The following RPGRIP1 variants were observed in gnomAD, a reference collection of about 807,000 sequenced individuals.
The protein encoded by RPGRIP1 is X-linked retinitis pigmentosa GTPase regulator-interacting protein 1.
Under a neutral mutation model 157.9 loss-of-function variants are expected in RPGRIP1, and 128 were observed. That is an observed-to-expected ratio of 0.81 (90% CI 0.70 to 0.94). The LOEUF (loss-of-function observed/expected upper bound fraction) is 0.94, where lower values mean the gene tolerates loss of function less well. Among genes scored for constraint, RPGRIP1 ranks in the 40% least tolerant of loss-of-function variants. RPGRIP1 has a pLI of 0.00. For synonymous variants in RPGRIP1, 554 were observed against 571.6 expected, an observed-to-expected ratio of 0.97 and a Z score of 0.44; for missense variants, 1,486 against 1,545.8, an observed-to-expected ratio of 0.96 and a Z score of 0.65.
rs1267730246 is a variant in RPGRIP1, at chr14:21,328,364, T to G, written c.2896-60T>G. The G allele has an allele frequency of 5.6e-6, 7 of 1,256,518 alleles. No individual in the cohort carries two copies. The East Asian group carries it at 1.2e-4, about 21-fold the overall frequency. The allele number at this position is 1,256,518 out of a possible 1,614,324, so 77.8% of individuals were successfully genotyped here. On this transcript the variant is annotated intron_variant, in intron 18 of 24. Coordinates refer to ENST00000400017, the MANE Select transcript of RPGRIP1 (RefSeq NM_020366.4). ...TAACACTAGTTCCCAAATCCCTTTC[T>G]TGTGTTTCTAGGTTGTTAAACTACC...
chr14:21,343,003 C>G, intron 21 of RPGRIP1, 33 bp from the exon 22 acceptor site: 1 of 1,567,580 alleles, frequency 6.4e-7, no homozygotes, highest in Non-Finnish European at 8.8e-7. Flanking sequence ...CCTCACTAAC[C>G]TTTAGGAACT....
chr14:21,346,927 G>A (rs1885627799), intron 23 of RPGRIP1, among the ~76,000 whole-genome samples: 1 of 152,208 alleles, frequency 6.6e-6, no homozygotes, highest in Non-Finnish European at 1.5e-5. Context: ...ACTGAAAAAG[G>A]AGCCAGATGA....
chr14:21,302,528 T>C lies in RPGRIP1; in HGVS notation c.531T>C (p.Phe177=). 6.3e-7 allele frequency: 1 copy of C among 1,591,320 alleles called. No homozygotes were observed. The change falls in exon 5 of 25, where the codon TTT becomes TTC. Residue 177 remains phenylalanine (F), a synonymous_variant. Transcript: ENST00000400017. The part of the protein sequence containing the change: ...DRLSYTAPPS[F]KEHATNENRG... ...TGAGCTACACAGCCCCTCCATCGTT[T>C]AAGGAGCATGCGACAAATGAAAACA...
intron 1 of RPGRIP1, among the ~76,000 whole-genome samples, chr14:21,283,577 A>T (rs750917841): frequency 3.3e-5 from 5 of 152,072 alleles, no homozygotes; most frequent in Non-Finnish European, 7.4e-5. Flanking sequence ...CTGGGATTAC[A>T]GGCATGAGCC....
chr14:21,309,469 G>A (rs983720403), intron 7 of RPGRIP1, among the ~76,000 whole-genome samples: 5 of 152,022 alleles, frequency 3.3e-5, no homozygotes, highest in African/African-American at 4.8e-5. Context: ...GCAGTGAGCC[G>A]AGATCCCGAT....
intron 11 of RPGRIP1, among the ~76,000 whole-genome samples, chr14:21,319,386 AC>A (rs1169148162): frequency 1.3e-5 from 2 of 152,124 alleles, no homozygotes; most frequent in Non-Finnish European, 2.9e-5. Flanking sequence ...ACATGGTGAA[AC>A]CCCATCTTTA....
intron 5 of RPGRIP1, 57 bp from the exon 6 acceptor site, chr14:21,303,274 A>G (rs1417743647): frequency 1.6e-6 from 2 of 1,281,242 alleles, no homozygotes; most frequent in Non-Finnish European, 2.2e-6. Flanking sequence ...TATATGTGTA[A>G]GAACCCAATT....
chr14:21,325,046 G>A lies in RPGRIP1; in HGVS notation c.2191G>A (p.Val731Ile), dbSNP rs1246754738. The A allele has an allele frequency of 6.2e-7, 1 of 1,611,814 alleles. No homozygotes were observed. The highest frequency in any genetic ancestry group is 1.1e-5 in the South Asian group (1 of 91,030). ...CAGGGTGCTAGAGACTGTGGAGAAA[G>A]TCCATGGCTTGGCCACACTGATTGG... ...FDRVLETVEKVHGLATLIGAG... is the reference protein window; with the variant it reads ...FDRVLETVEKIHGLATLIGAG... The change falls in exon 15 of 25, where the codon GTC becomes ATC. Residue 731 changes from valine (V) to isoleucine (I), a missense_variant. Physicochemically the swap from Val to Ile is conservative, Grantham distance 29. Coordinates refer to ENST00000400017, the MANE Select transcript of RPGRIP1 (RefSeq NM_020366.4).
rs758584209 is a variant in RPGRIP1, at chr14:21,349,404, T to C, written c.3748+1102T>C. On this transcript the variant is annotated intron_variant, in intron 24 of 24. Transcript: ENST00000400017. ...ATAATTACTATAATTTCTTTCTTTT[T>C]TTTTTTTTTTTTTGAGATGGAGTCT... Among the ~76,000 whole-genome samples, 649 of 144,824 alleles carry C rather than the reference T, an allele frequency of 4.5e-3. 2 individuals are homozygous for C. The highest frequency in any genetic ancestry group is 7.4e-3 in the Middle Eastern group (2 of 272).
At chr14:21,326,924 T>G (rs2139241946) in intron 17 of RPGRIP1, among the ~76,000 whole-genome samples, 1 of 152,248 alleles carries the variant, frequency 6.6e-6, no homozygotes, top group East Asian at 1.9e-4. Context: ...CTTTCCTAAC[T>G]TTTATACCTA....
At chr14:21,292,872 C>T (rs1278070174) in intron 2 of RPGRIP1, among the ~76,000 whole-genome samples, 1 of 148,824 alleles carries the variant, frequency 6.7e-6, no homozygotes, top group Non-Finnish European at 1.5e-5. Context: ...ATTAGCCGGG[C>T]GCAGTGGCTC....
At chr14:21,337,649 C>A (rs1420107314) in intron 21 of RPGRIP1, among the ~76,000 whole-genome samples, 2 of 151,458 alleles carry the variant, frequency 1.3e-5, no homozygotes, top group Admixed American at 6.6e-5. Flanking sequence ...ACTATGTTGG[C>A]CAGGCTGGTC....
At position 21,327,725 on chromosome 14, in the gene RPGRIP1, C is replaced by T. The variant is rs1883260977; in HGVS notation, c.2813C>T (p.Pro938Leu). The T allele has an allele frequency of 6.2e-7, 1 of 1,613,474 alleles. No homozygotes were observed. Among genetic ancestry groups the T allele is most frequent in the Admixed American group, 1.7e-5 (1 of 59,974 alleles). Residue 938 changes from proline (P) to leucine (L), a missense_variant, in exon 18 of 25, where the codon CCA becomes CTA. By Grantham distance (98) the Pro-to-Leu change is moderately conservative (BLOSUM62 -3). Coordinates refer to ENST00000400017, the MANE Select transcript of RPGRIP1 (RefSeq NM_020366.4). ...PYIPPESFLK[P>L]EAQTKGKDTK... ...ATACCCCCTGAGAGCTTCCTGAAAC[C>T]AGAAGCTCAGACTAAGGGGAAGGAT...
At chr14:21,300,901 C>T in intron 3 of RPGRIP1, 65 bp from the exon 4 acceptor site, 1 of 1,545,492 alleles carries the variant, frequency 6.5e-7, no homozygotes, top group South Asian at 1.2e-5. Flanking sequence ...ATTATATGTC[C>T]CAAATAACCC....
chr14:21,303,330 G>A lies in RPGRIP1; in HGVS notation c.588-1G>A. On this transcript the variant is annotated splice_acceptor_variant, in intron 5 of 24. Coordinates refer to ENST00000400017, the MANE Select transcript of RPGRIP1 (RefSeq NM_020366.4). LOFTEE classifies it high-confidence loss of function. ...TTTCTAAGTATCCTTTTTGTATTTAGTGTTTCTGGTTCTAACAGCATAATT... is the reference window on the plus strand; with the variant it reads ...TTTCTAAGTATCCTTTTTGTATTTAATGTTTCTGGTTCTAACAGCATAATT... The A allele has an allele frequency of 6.2e-7, 1 of 1,606,374 alleles. No individual in the cohort carries two copies. The highest frequency in any genetic ancestry group is 1.1e-5 in the South Asian group (1 of 90,388).
At chr14:21,284,567 GGA>G (rs1282907963) in intron 1 of RPGRIP1, among the ~76,000 whole-genome samples, 1 of 113,706 alleles carries the variant, frequency 8.8e-6, no homozygotes, top group Non-Finnish European at 1.7e-5. Context: ...TTTTGAAGAT[GGA>G]ATCTCTCTCT....
intron 11 of RPGRIP1, 142 bp downstream of exon 11, chr14:21,317,992 C>A: frequency 1.4e-6 from 1 of 718,814 alleles, no homozygotes; most frequent in Non-Finnish European, 2.5e-6. Context: ...AATGAGAACA[C>A]TAGCAATAGA....
At chr14:21,296,378 ATT>A (rs760127895) in intron 3 of RPGRIP1, among the ~76,000 whole-genome samples, 10 of 142,890 alleles carry the variant, frequency 7.0e-5, no homozygotes, top group Admixed American at 7.0e-5. Flanking sequence ...TGCCTGGCTA[ATT>A]TTTTTTTTTT....
rs1594214013 is a variant in RPGRIP1 at position 21,325,265 on chromosome 14, A to G, written c.2249A>G (p.Tyr750Cys). Residue 750 changes from tyrosine (Y) to cysteine (C), a missense_variant, in exon 16 of 25, where the codon TAC becomes TGC. Tyr to Cys is a radical substitution (Grantham distance 194). Transcript: ENST00000400017. ...GGAGAAGAGTTCGGGGTTCTAGAGT[A>G]CTGGATGAGGCTGCGTTTCCCCATA... ...AGGEEFGVLE[Y>C]WMRLRFPIKP... is the part of the protein sequence containing the mutation. The G allele has an allele frequency of 6.2e-7, 1 of 1,613,442 alleles. No individual in the cohort carries two copies. The highest frequency in any genetic ancestry group is 8.5e-7 in the Non-Finnish European group (1 of 1,179,764).
Sources: allele counts gnomAD v4.1 joint callset (sites outside exome capture counted in the v4.1 genomes callset), GRCh38; gene constraint gnomAD v4.1.1; transcripts MANE v1.5; gene names NCBI Gene and HGNC (gene_info 2026-07-23, HGNC 2026-07-21).